Variants in ABTB2 observed in about 807,000 individuals in gnomAD.
ABTB2 encodes the protein ankyrin repeat and BTB domain containing 2.
In ABTB2, 56 loss-of-function variants were observed where a neutral mutation model predicts 104.1. That is an observed-to-expected ratio of 0.54 (90% confidence interval 0.43 to 0.67). The LOEUF (loss-of-function observed/expected upper bound fraction) is 0.67. Ranked by LOEUF, ABTB2 falls within the 30% of genes least tolerant of loss-of-function variation. The probability of loss-of-function intolerance (pLI) is 0.00; values close to 1 mark genes in which losing one functional copy is unlikely to be tolerated. For synonymous variants in ABTB2, 606 were observed against 608.2 expected (o/e 1.00, Z 0.05); for missense variants, 1,279 against 1,407.7 (o/e 0.91, Z 1.46).
intron 1 of ABTB2, among the ~76,000 whole-genome samples, chr11:34,216,089 G>A (rs778768768): frequency 1.3e-5 from 2 of 152,192 alleles, no homozygotes; most frequent in Non-Finnish European, 2.9e-5. Flanking sequence ...GTGAATGGGG[G>A]TCCCTACCCT....
chr11:34,340,789 C>G (rs1054852489), intron 1 of ABTB2, among the ~76,000 whole-genome samples: 3 of 152,232 alleles, frequency 2.0e-5, no homozygotes, highest in Non-Finnish European at 4.4e-5. Flanking sequence ...TTTAGGCAAA[C>G]ACCTCTGAAA....
At chr11:34,190,101 ATGGTGG>A (rs1249121342) in intron 3 of ABTB2, among the ~76,000 whole-genome samples, 30 of 152,276 alleles carry the variant, frequency 2.0e-4, no homozygotes, top group African/African-American at 4.8e-4. Flanking sequence ...TTAGCCAGGC[ATGGTGG>A]CATGTGCCTA....
At chr11:34,328,545 C>G (rs1035412267) in intron 1 of ABTB2, among the ~76,000 whole-genome samples, 2 of 152,266 alleles carry the variant, frequency 1.3e-5, no homozygotes, top group Admixed American at 1.3e-4. Context: ...TAGCACTGTA[C>G]CTGAGCTAGT....
At chr11:34,286,945 G>A (rs1273687313) in intron 1 of ABTB2, among the ~76,000 whole-genome samples, 2 of 152,152 alleles carry the variant, frequency 1.3e-5, no homozygotes, top group Admixed American at 1.3e-4. Flanking sequence ...GCTGGGGGAG[G>A]GAAGGGTGTG....
intron 5 of ABTB2, 83 bp downstream of exon 5, chr11:34,170,823 G>C (rs959336481): frequency 7.8e-6 from 12 of 1,537,392 alleles, no homozygotes; most frequent in Non-Finnish European, 1.1e-5. Flanking sequence ...CTCAGGGTTA[G>C]GACAGAGGGC....
intron 1 of ABTB2, chr11:34,335,955 T>C (rs1004474771): frequency 9.6e-6 from 6 of 627,956 alleles, no homozygotes; most frequent in Admixed American, 8.3e-5. Flanking sequence ...AGTAAAATCC[T>C]GGGAGATAGG....
In ABTB2 at chr11:34,191,191, C is replaced by A. The variant is rs376724860; in HGVS notation, c.1244+6134G>T. Among the ~76,000 whole-genome samples the A allele has an allele frequency of 4.1e-4, 63 of 152,246 alleles. 2 individuals carry two copies. In the East Asian group the frequency reaches 7.7e-3, roughly 19 times the overall value. On this transcript the variant is annotated intron_variant, in intron 3 of 16. Transcript: ENST00000435224. ...GGCTGAGGTGGGAGGATCACTTGCACCCAGGAGTTCAAGGCTGCAGTGAAC... is the reference window on the plus strand; with the variant it reads ...GGCTGAGGTGGGAGGATCACTTGCAACCAGGAGTTCAAGGCTGCAGTGAAC...
At chr11:34,323,027 A>G (rs1401007418) in intron 1 of ABTB2, among the ~76,000 whole-genome samples, 1 of 152,084 alleles carries the variant, frequency 6.6e-6, no homozygotes. Flanking sequence ...CTTGTACCTT[A>G]GCTCGAGTAG....
chr11:34,335,761 C>T (rs891797715), intron 1 of ABTB2: 3 of 1,385,790 alleles, frequency 2.2e-6, no homozygotes, highest in Non-Finnish European at 3.1e-6. Flanking sequence ...ATTGAGGTGA[C>T]AATCAAAACC....
chr11:34,303,285 G>A (rs1352090801), intron 1 of ABTB2, among the ~76,000 whole-genome samples: 3 of 152,218 alleles, frequency 2.0e-5, no homozygotes, highest in Non-Finnish European at 4.4e-5. Context: ...ACTACTGGCT[G>A]CAATTCTGGA....
chr11:34,220,704 T>G (rs1382072977), intron 1 of ABTB2, among the ~76,000 whole-genome samples: 1 of 152,144 alleles, frequency 6.6e-6, no homozygotes. Flanking sequence ...TCCCTGAACC[T>G]CTTGTTGCAA....
At chr11:34,323,213 G>C (rs1855027637) in intron 1 of ABTB2, among the ~76,000 whole-genome samples, 1 of 152,050 alleles carries the variant, frequency 6.6e-6, no homozygotes, top group South Asian at 2.1e-4. Context: ...GGCCGCAAAT[G>C]CTTATTTTTT....
chr11:34,287,948 A>G (rs1296789432), intron 1 of ABTB2, among the ~76,000 whole-genome samples: 2 of 152,182 alleles, frequency 1.3e-5, no homozygotes, highest in Non-Finnish European at 2.9e-5. Context: ...CACTTAGAAC[A>G]TGATGGCCAG....
At chr11:34,183,758 C>T (rs1853058647) in intron 3 of ABTB2, among the ~76,000 whole-genome samples, 1 of 152,232 alleles carries the variant, frequency 6.6e-6, no homozygotes, top group Non-Finnish European at 1.5e-5. Flanking sequence ...TTCCCCATCT[C>T]TCCGCACAGA....
In ABTB2 at chr11:34,215,621, C is replaced by CTG. The variant is rs1232344566; in HGVS notation, c.884-10933_884-10932dup. Among the ~76,000 whole-genome samples, 3 of 152,158 alleles carry CTG rather than the reference C, an allele frequency of 2.0e-5. No homozygotes were observed. In the East Asian group the frequency reaches 5.8e-4, roughly 29 times the overall value. On this transcript the variant is annotated intron_variant, in intron 1 of 16. Transcript: ENST00000435224. ...AAAACCCAGCTCTGCCACTTACTAG[C>CTG]TGTGTGACTCTGGACTAGTTACTTG...
chr11:34,283,335 C>A (rs989866180), intron 1 of ABTB2, among the ~76,000 whole-genome samples: 5 of 152,060 alleles, frequency 3.3e-5, no homozygotes, highest in African/African-American at 1.2e-4. Flanking sequence ...CATGTCTCAG[C>A]CTCTGGAGTA....
chr11:34,318,025 G>A (rs1237536122), intron 1 of ABTB2, among the ~76,000 whole-genome samples: 1 of 149,560 alleles, frequency 6.7e-6, no homozygotes, highest in Non-Finnish European at 1.5e-5. Context: ...GAAGTACAGT[G>A]GCACAATCTT....
At chr11:34,221,588 C>T (rs1853623381) in intron 1 of ABTB2, among the ~76,000 whole-genome samples, 1 of 152,194 alleles carries the variant, frequency 6.6e-6, no homozygotes, top group Non-Finnish European at 1.5e-5. Context: ...GTGGCTCTAG[C>T]CAAGTCCCCT....
chr11:34,272,733 C>CAAAAAAAAAAAAAAAAAAA (rs1323130706), intron 1 of ABTB2, among the ~76,000 whole-genome samples: 1 of 127,652 alleles, frequency 7.8e-6, no homozygotes, highest in African/African-American at 3.0e-5. Context: ...AAAAAAAAAC[C>CAAAAAAAAAAAAAAAAAAA]AACCAACCAT....
Sources: gnomAD v4.1 joint callset for allele counts (sites outside exome capture counted in the v4.1 genomes callset) on GRCh38, gnomAD v4.1.1 for gene constraint, MANE v1.5 for transcripts, NCBI Gene and HGNC (gene_info 2026-07-23, HGNC 2026-07-21) for gene names.